KMT2C: variants seen among roughly 807,000 people sequenced by gnomAD.
KMT2C encodes the protein histone-lysine N-methyltransferase 2C.
In KMT2C, 88 loss-of-function variants were observed where a neutral mutation model predicts 507.9. The ratio of observed to expected loss-of-function variants is 0.17; its 90% CI spans 0.15 to 0.21. KMT2C has a LOEUF of 0.21. KMT2C is among the 10% of genes least tolerant of loss of function. The pLI is 1.00. For synonymous variants in KMT2C, 2,049 were observed against 2,080.8 expected (o/e 0.98, Z 0.42); for missense variants, 4,954 against 5,957.8 (o/e 0.83, Z 5.55).
chr7:152,345,360 T>A (rs1238502719), intron 2 of KMT2C, among the ~76,000 whole-genome samples: 2 of 152,154 alleles, frequency 1.3e-5, no homozygotes, highest in Non-Finnish European at 2.9e-5. Flanking sequence ...GAGGATGGCT[T>A]GAGCCCAAGA....
chr7:152,292,347 T>C (rs1325855241), intron 6 of KMT2C, among the ~76,000 whole-genome samples: 6 of 152,006 alleles, frequency 3.9e-5, no homozygotes, highest in South Asian at 2.1e-4. Flanking sequence ...CACACACACA[T>C]ACTGACAAAC....
intron 3 of KMT2C, among the ~76,000 whole-genome samples, chr7:152,329,107 C>A (rs1268226895): frequency 6.6e-6 from 1 of 152,066 alleles, no homozygotes; most frequent in East Asian, 1.9e-4. Context: ...AATGAATGAG[C>A]TTTCTTTCCC....
At chr7:152,147,973 A>G in intron 52 of KMT2C, 60 bp downstream of exon 52, 8 of 1,472,194 alleles carry the variant, frequency 5.4e-6, no homozygotes, top group East Asian at 2.3e-5. Flanking sequence ...GACAAAATAC[A>G]TTCATTAGCC....
At chr7:152,279,862 C>CAG (rs2096168865) in intron 6 of KMT2C, among the ~76,000 whole-genome samples, 1 of 152,294 alleles carries the variant, frequency 6.6e-6, no homozygotes, top group Non-Finnish European at 1.5e-5. Flanking sequence ...CCCCTCAATA[C>CAG]AGAATGTGTG....
chr7:152,377,473 G>A (rs1198943462), intron 1 of KMT2C, among the ~76,000 whole-genome samples: 1 of 152,200 alleles, frequency 6.6e-6, no homozygotes, highest in African/African-American at 2.4e-5. Flanking sequence ...GGTGGCTCAT[G>A]CCTGTAATCC....
Position 152,315,358 on chromosome 7 carries a change from A to C in KMT2C, c.390-20T>G, listed in dbSNP as rs748365447. The C allele has an allele frequency of 1.3e-6, 2 of 1,588,436 alleles. No homozygotes were observed. Among genetic ancestry groups the C allele is most frequent in the South Asian group, 2.2e-5 (2 of 90,372 alleles). ...TGTTCACTAGTAAAAATGAAATGTA[A>C]GTCAGAGAAGGAGAAAAGTAGCTTT... is the stretch of plus-strand genomic sequence containing the variant. On this transcript the variant is annotated intron_variant, in intron 3 of 58. Coordinates refer to ENST00000262189, the MANE Select transcript of KMT2C (RefSeq NM_170606.3).
chr7:152,162,288 A>G lies in KMT2C; in HGVS notation c.11289T>C (p.Ala3763=), dbSNP rs1483589796. 2 of 1,614,210 alleles carry G rather than the reference A, an allele frequency of 1.2e-6. No individual in the cohort carries two copies. Among genetic ancestry groups the G allele is most frequent in the East Asian group, 4.5e-5 (2 of 44,882 alleles). The change falls in exon 43 of 59, where the codon GCT becomes GCC. Residue 3763 remains alanine (A), a synonymous_variant. Coordinates refer to ENST00000262189, the MANE Select transcript of KMT2C (RefSeq NM_170606.3). ...VSSAQSPPHS[A]GAPAAKGDSG... ...AGTCTCCTTTGGCAGCAGGGGCCCCAGCAGAATGGGGAGGACTCTGTGCTG... is the reference window on the plus strand; with the variant it reads ...AGTCTCCTTTGGCAGCAGGGGCCCCGGCAGAATGGGGAGGACTCTGTGCTG...
intron 6 of KMT2C, among the ~76,000 whole-genome samples, chr7:152,293,952 G>A (rs2096460840): frequency 6.6e-6 from 1 of 151,840 alleles, no homozygotes; most frequent in African/African-American, 2.4e-5. Flanking sequence ...CTGCATCCTG[G>A]GCTCAAGCCA....
At chr7:152,171,364 G>GT (rs1229737360) in intron 39 of KMT2C, 22 bp from the exon 40 acceptor site, 1 of 1,504,176 alleles carries the variant, frequency 6.6e-7, no homozygotes, top group African/African-American at 1.4e-5. Context: ...GGGTACACAA[G>GT]TATCAAGTGA....
rs117310891 is a variant in KMT2C, at chr7:152,194,402, G to A, written c.4507+38C>T. ...ATCTTTAAAAATCATATTTACTCAGGTCTTTTAGAAAGCCTAGATGTAGGG... is the reference window on the plus strand; with the variant it reads ...ATCTTTAAAAATCATATTTACTCAGATCTTTTAGAAAGCCTAGATGTAGGG... On this transcript the variant is annotated intron_variant, in intron 29 of 58. Transcript: ENST00000262189. 45 of 1,590,800 alleles carry A rather than the reference G, an allele frequency of 2.8e-5. No individual in the cohort carries two copies. In the East Asian group the frequency reaches 9.6e-4, roughly 34 times the overall value.
intron 6 of KMT2C, among the ~76,000 whole-genome samples, chr7:152,307,028 G>A (rs568806565): frequency 1.8e-4 from 27 of 152,176 alleles, no homozygotes; most frequent in South Asian, 1.5e-3. Flanking sequence ...GCGAGGTGGC[G>A]CATGCCTGTG....
chr7:152,378,888 C>T (rs936204721), intron 1 of KMT2C, among the ~76,000 whole-genome samples: 3 of 152,154 alleles, frequency 2.0e-5, no homozygotes, highest in Non-Finnish European at 4.4e-5. Flanking sequence ...CTATTTTCAA[C>T]TTCACTGAAA....
chr7:152,205,226 C>G lies in KMT2C; in HGVS notation c.3842-1G>C. 1 of 1,610,516 alleles carries G rather than the reference C, an allele frequency of 6.2e-7. No individual in the cohort carries two copies. Among genetic ancestry groups the G allele is most frequent in the Non-Finnish European group, 8.5e-7 (1 of 1,178,766 alleles). On this transcript the variant is annotated splice_acceptor_variant, in intron 24 of 58. Coordinates refer to ENST00000262189, the MANE Select transcript of KMT2C (RefSeq NM_170606.3). LOFTEE classifies it high-confidence loss of function. ...TGCCGCACCATAAATCCACCAATAC[C>G]TATCCAAAAAAGAAATTAGGTAAAC...
At chr7:152,199,754 T>C (rs763313935) in intron 26 of KMT2C, among the ~76,000 whole-genome samples, 2 of 152,178 alleles carry the variant, frequency 1.3e-5, no homozygotes, top group Non-Finnish European at 2.9e-5. Flanking sequence ...GCTTCATGAG[T>C]ATTATTAATT....
rs375643789 is a variant in KMT2C, at chr7:152,187,422, T to C, written c.4848A>G (p.Thr1616=). 55 of 1,614,056 alleles carry C rather than the reference T, an allele frequency of 3.4e-5. No individual in the cohort carries two copies. Among genetic ancestry groups the C allele is most frequent in the Non-Finnish European group, 4.2e-5 (50 of 1,180,030 alleles). The part of the protein sequence containing the change: ...PMASDPNNSW[T]SSAPTVEGEN... ...CTCCTTCCACAGTGGGAGCTGATGATGTCCAAGAGTTGTTAGGATCACTTG... is the reference window on the plus strand; with the variant it reads ...CTCCTTCCACAGTGGGAGCTGATGACGTCCAAGAGTTGTTAGGATCACTTG... Residue 1616 remains threonine, a synonymous_variant, in exon 33 of 59, where the codon ACA becomes ACG. Coordinates refer to ENST00000262189, the MANE Select transcript of KMT2C (RefSeq NM_170606.3).
At position 152,263,051 on chromosome 7, in the gene KMT2C, T is replaced by G; in HGVS notation, c.1264A>C (p.Met422Leu). 6.2e-7 allele frequency: 1 copy of G among 1,613,058 alleles called. No individual in the cohort carries two copies. The highest frequency in any genetic ancestry group is 8.5e-7 in the Non-Finnish European group (1 of 1,179,714). The change falls in exon 9 of 59, where the codon ATG becomes CTG. Residue 422 changes from methionine to leucine, a missense_variant. Transcript: ENST00000262189. ...GYHTFCLQPV[M>L]KSVPTNGWKC... is the part of the protein sequence containing the mutation. The stretch of plus-strand genomic sequence containing the variant: ...CAGCCATTGGTTGGTACTGATTTCA[T>G]AACTGGTTGAAGACAAAAAGTATGA...
At chr7:152,302,287 G>T (rs999559601) in intron 6 of KMT2C, among the ~76,000 whole-genome samples, 5 of 152,086 alleles carry the variant, frequency 3.3e-5, no homozygotes, top group African/African-American at 1.2e-4. Flanking sequence ...GCAATAGAAC[G>T]ATCTTGGCTC....
At chr7:152,331,755 TC>T (rs1405613456) in intron 2 of KMT2C, among the ~76,000 whole-genome samples, 2 of 150,192 alleles carry the variant, frequency 1.3e-5, no homozygotes, top group African/African-American at 4.9e-5. Context: ...TTCAAGCAAT[TC>T]TCCTGCCTCA....
At chr7:152,338,044 G>C (rs995347339) in intron 2 of KMT2C, among the ~76,000 whole-genome samples, 1 of 151,862 alleles carries the variant, frequency 6.6e-6, no homozygotes, top group Non-Finnish European at 1.5e-5. Flanking sequence ...TTTTTTAGTA[G>C]AGACGGGGTT....
Sources: allele counts gnomAD v4.1 joint callset (sites outside exome capture counted in the v4.1 genomes callset), GRCh38; gene constraint gnomAD v4.1.1; transcripts MANE v1.5; gene names NCBI Gene and HGNC (gene_info 2026-07-23, HGNC 2026-07-21).